Variants in GRM7 observed in about 807,000 individuals in gnomAD.
GRM7 encodes the protein metabotropic glutamate receptor 7.
A neutral mutation model predicts 84.5 loss-of-function variants in GRM7; 35 were observed. The observed-to-expected ratio is 0.41, with a 90% CI of 0.32 to 0.55. The LOEUF (loss-of-function observed/expected upper bound fraction) is 0.55. Among genes scored for constraint, GRM7 ranks in the 20% least tolerant of loss-of-function variants. The pLI is 0.19. For missense variants in GRM7, 1,003 were observed against 1,194.6 expected, an observed-to-expected ratio of 0.84 and a Z score of 2.36; for synonymous variants, 487 against 455.1, an observed-to-expected ratio of 1.07 and a Z score of -0.89.
intron 9 of GRM7, among the ~76,000 whole-genome samples, chr3:7,736,878 A>G (rs2106531091): frequency 6.6e-6 from 1 of 152,328 alleles, no homozygotes; most frequent in East Asian, 1.9e-4. Context: ...AAAAGAGCTG[A>G]GGAGAACACA....
At chr3:7,516,410 G>T (rs1700385613) in intron 7 of GRM7, among the ~76,000 whole-genome samples, 1 of 142,328 alleles carries the variant, frequency 7.0e-6, no homozygotes, top group South Asian at 2.3e-4. Flanking sequence ...CTGGGAGGTG[G>T]AGCTTGCAGT....
At chr3:7,337,013 A>G (rs931140780) in intron 4 of GRM7, among the ~76,000 whole-genome samples, 5 of 152,058 alleles carry the variant, frequency 3.3e-5, no homozygotes, top group Non-Finnish European at 7.4e-5. Context: ...TCAAAATACC[A>G]TCATCATTCT....
At chr3:7,187,548 A>T (rs1695561714) in intron 2 of GRM7, among the ~76,000 whole-genome samples, 1 of 152,214 alleles carries the variant, frequency 6.6e-6, no homozygotes, top group Non-Finnish European at 1.5e-5. Flanking sequence ...ATCTTTATTG[A>T]AGCAACAGTG....
intron 7 of GRM7, among the ~76,000 whole-genome samples, chr3:7,556,887 A>G (rs1407536357): frequency 6.6e-6 from 1 of 152,182 alleles, no homozygotes; most frequent in Non-Finnish European, 1.5e-5. Flanking sequence ...AGAGAGCAGA[A>G]TATGGCTGTA....
intron 2 of GRM7, among the ~76,000 whole-genome samples, chr3:7,198,850 A>G (rs371926524): frequency 1.3e-5 from 2 of 152,190 alleles, no homozygotes; most frequent in African/African-American, 2.4e-5. Flanking sequence ...TTAGAGTGTT[A>G]CGTTTAACTC....
At chr3:7,227,224 G>A (rs190375799) in intron 2 of GRM7, among the ~76,000 whole-genome samples, 11 of 152,202 alleles carry the variant, frequency 7.2e-5, no homozygotes, top group Non-Finnish European at 1.2e-4. Flanking sequence ...GACCATTTGT[G>A]TTTTCATCAT....
intron 7 of GRM7, among the ~76,000 whole-genome samples, chr3:7,572,428 G>A (rs1317373102): frequency 6.6e-6 from 1 of 152,036 alleles, no homozygotes; most frequent in South Asian, 2.1e-4. Context: ...AGAAACCTTA[G>A]GGAAGTCTCA....
At chr3:7,431,226 A>T (rs1325774406) in intron 5 of GRM7, among the ~76,000 whole-genome samples, 1 of 152,220 alleles carries the variant, frequency 6.6e-6, no homozygotes. Context: ...AATATCTATC[A>T]TTTAAAAAAA....
At chr3:7,178,283 C>CT (rs998608393) in intron 2 of GRM7, among the ~76,000 whole-genome samples, 43 of 151,900 alleles carry the variant, frequency 2.8e-4, no homozygotes, top group African/African-American at 9.4e-4. Flanking sequence ...GACTTAGAAG[C>CT]TTTTTTTTAG....
intron 2 of GRM7, among the ~76,000 whole-genome samples, chr3:7,286,807 T>C (rs1008278143): frequency 6.6e-6 from 1 of 152,212 alleles, no homozygotes; most frequent in Non-Finnish European, 1.5e-5. Flanking sequence ...TATTCCTCTT[T>C]TGAGTACACT....
intron 1 of GRM7, among the ~76,000 whole-genome samples, chr3:7,052,308 G>A (rs17046736): frequency 0.13 from 19,881 of 151,556 alleles, 1,858 homozygotes; most frequent in African/African-American, 0.26. Context: ...TAGTTTGTTA[G>A]TTGAACTCCT....
chr3:7,469,808 T>C (rs983907119), intron 7 of GRM7, among the ~76,000 whole-genome samples: 1 of 152,208 alleles, frequency 6.6e-6, no homozygotes, highest in Non-Finnish European at 1.5e-5. Context: ...AAATCAAAAA[T>C]AGTACTGTTA....
rs151093691 is a variant in GRM7 at position 7,604,516 on chromosome 3, G to T, written c.2451+25159G>T. Among the ~76,000 whole-genome samples the T allele has an allele frequency of 1.7e-3, 258 of 152,200 alleles. 3 individuals are homozygous for T. Among genetic ancestry groups the T allele is most frequent in the African/African-American group, 5.9e-3 (247 of 41,544 alleles). ...CAAATTACCTCAACACTCTTGACCT[G>T]CCAGAAAATGACATTCCATACCCAT... On this transcript the variant is annotated intron_variant, in intron 8 of 9. Transcript: ENST00000357716.
chr3:7,680,395 C>A, intron 9 of GRM7, 100 bp downstream of exon 9: 1 of 1,276,660 alleles, frequency 7.8e-7, no homozygotes, highest in Non-Finnish European at 1.1e-6. Flanking sequence ...TGTGATCGTT[C>A]TTGTCTTATG....
At chr3:7,735,298 A>G (rs1306576453) in intron 9 of GRM7, among the ~76,000 whole-genome samples, 2 of 141,186 alleles carry the variant, frequency 1.4e-5, no homozygotes, top group African/African-American at 5.6e-5. Flanking sequence ...AAATGACTAA[A>G]GTGATAGGCA....
At chr3:7,547,215 T>G (rs1256010272) in intron 7 of GRM7, among the ~76,000 whole-genome samples, 15 of 141,730 alleles carry the variant, frequency 1.1e-4, no homozygotes, top group Admixed American at 7.1e-4. Flanking sequence ...TTTTTTTTTT[T>G]TTTTTTTTTG....
chr3:7,403,094 T>TAA (rs1695519787), intron 4 of GRM7: 2 of 416,054 alleles, frequency 4.8e-6, no homozygotes, highest in African/African-American at 2.1e-5. Context: ...CTATAGTTAT[T>TAA]AAAAATAAAA....
intron 8 of GRM7, among the ~76,000 whole-genome samples, chr3:7,635,859 A>C (rs1386643844): frequency 6.6e-6 from 1 of 152,070 alleles, no homozygotes; most frequent in African/African-American, 2.4e-5. Flanking sequence ...AATATTTTAT[A>C]CAGATAGGGT....
intron 4 of GRM7, among the ~76,000 whole-genome samples, chr3:7,412,413 T>C (rs1460662600): frequency 1.3e-5 from 2 of 152,198 alleles, no homozygotes; most frequent in Non-Finnish European, 2.9e-5. Flanking sequence ...GACATTCTGA[T>C]AGGTTTCCCT....
Sources: gnomAD v4.1 joint callset for allele counts (sites outside exome capture counted in the v4.1 genomes callset) on GRCh38, gnomAD v4.1.1 for gene constraint, MANE v1.5 for transcripts, NCBI Gene and HGNC (gene_info 2026-07-23, HGNC 2026-07-21) for gene names.